The following TEX9 variants were observed in gnomAD, a reference collection of about 807,000 sequenced individuals.
The protein encoded by TEX9 is testis-expressed protein 9.
A neutral mutation model predicts 59.6 loss-of-function variants in TEX9; 74 were observed. That is an observed-to-expected ratio of 1.24 (90% CI 1.03 to 1.51). The LOEUF (loss-of-function observed/expected upper bound fraction) is 1.51, where lower values mean the gene tolerates loss of function less well. Among genes scored for constraint, TEX9 ranks in the 40% most tolerant of loss-of-function variants. The probability of loss-of-function intolerance (pLI) is 0.00; values close to 1 mark genes in which losing one functional copy is unlikely to be tolerated. For synonymous variants in TEX9, 186 were observed against 152.2 expected, an observed-to-expected ratio of 1.22 and a Z score of -1.64; for missense variants, 522 against 447.8, an observed-to-expected ratio of 1.17 and a Z score of -1.49.
intron 1 of TEX9, among the ~76,000 whole-genome samples, chr15:56,314,771 T>A (rs1222087162): frequency 3.2e-4 from 48 of 151,938 alleles, no homozygotes; most frequent in East Asian, 2.1e-3. Context: ...CCCATTATTA[T>A]TGTGTGGGAG....
At chr15:56,394,626 AT>A in intron 8 of TEX9, 34 bp from the exon 9 acceptor site, 6 of 1,412,368 alleles carry the variant, frequency 4.2e-6, no homozygotes, top group Non-Finnish European at 5.8e-6. Context: ...AATCTTACAT[AT>A]TTTTTCACAT....
downstream of TEX9, chr15:56,446,754 T>C: frequency 1.0e-6 from 1 of 962,720 alleles, no homozygotes; most frequent in Non-Finnish European, 1.6e-6. Flanking sequence ...GTAAATTCTT[T>C]ATACAATATG....
upstream of TEX9, among the ~76,000 whole-genome samples, chr15:56,363,333 C>T (rs570391308): frequency 4.1e-4 from 61 of 150,106 alleles, no homozygotes; most frequent in South Asian, 0.012. Context: ...GGTGCTATCT[C>T]GGCTCACTGC....
Position 56,383,946 on chromosome 15 carries a change from T to C in TEX9, c.184-6T>C. ...ATGATATATTACCTATCTTTACTCA[T>C]TTAAGAGAGATCGGCAAGAAGTACG... On this transcript the variant is annotated splice_region_variant and splice_polypyrimidine_tract_variant and intron_variant, in intron 3 of 12. Coordinates refer to ENST00000352903, the Ensembl canonical transcript of TEX9. 3 of 1,608,658 alleles carry C rather than the reference T, an allele frequency of 1.9e-6. No individual in the cohort carries two copies. Among genetic ancestry groups the C allele is most frequent in the Non-Finnish European group, 2.5e-6 (3 of 1,177,146 alleles).
chr15:56,336,108 A>G (rs1287679647), intron 1 of TEX9, among the ~76,000 whole-genome samples: 1 of 152,156 alleles, frequency 6.6e-6, no homozygotes, highest in Non-Finnish European at 1.5e-5. Flanking sequence ...ATTTCTTCTC[A>G]GAGTACTTGT....
chr15:56,337,235 T>C (rs2046274542), intron 1 of TEX9, among the ~76,000 whole-genome samples: 1 of 152,140 alleles, frequency 6.6e-6, no homozygotes, highest in African/African-American at 2.4e-5. Context: ...CCCCTTCACA[T>C]TCAACTTGCA....
chr15:56,419,725 G>C (rs76683196), intron 10 of TEX9, among the ~76,000 whole-genome samples: 1 of 151,556 alleles, frequency 6.6e-6, no homozygotes, highest in Non-Finnish European at 1.5e-5. Flanking sequence ...TTCATCTTTA[G>C]GTTTTTTGGT....
intron 1 of TEX9, among the ~76,000 whole-genome samples, chr15:56,284,251 C>G (rs1365058017): frequency 2.6e-5 from 4 of 152,154 alleles, no homozygotes; most frequent in African/African-American, 9.7e-5. Context: ...CCTGCTTCAG[C>G]CTTCCACAGT....
At chr15:56,338,480 A>G (rs536061721) in intron 1 of TEX9, among the ~76,000 whole-genome samples, 2 of 152,336 alleles carry the variant, frequency 1.3e-5, no homozygotes, top group African/African-American at 4.8e-5. Context: ...TTATTTGTAC[A>G]ACAGCTCACT....
intron 4 of TEX9, among the ~76,000 whole-genome samples, chr15:56,386,954 C>T (rs565706394): frequency 3.3e-5 from 5 of 151,786 alleles, no homozygotes; most frequent in African/African-American, 1.2e-4. Context: ...GATATTCCAC[C>T]TAAATAATTA....
At chr15:56,402,400 A>T (rs901258597) in intron 9 of TEX9, among the ~76,000 whole-genome samples, 2 of 152,230 alleles carry the variant, frequency 1.3e-5, no homozygotes, top group African/African-American at 2.4e-5. Context: ...AAATGGATGA[A>T]TTCCTGGACA....
intron 3 of TEX9, among the ~76,000 whole-genome samples, chr15:56,382,159 G>C (rs1336500331): frequency 6.6e-6 from 1 of 152,154 alleles, no homozygotes; most frequent in Non-Finnish European, 1.5e-5. Flanking sequence ...CCATAGCAGG[G>C]TTCTGCCAGG....
At chr15:56,341,153 G>T (rs1206286363) in intron 1 of TEX9, among the ~76,000 whole-genome samples, 2 of 152,156 alleles carry the variant, frequency 1.3e-5, no homozygotes, top group Admixed American at 6.6e-5. Context: ...CCAATGAAGA[G>T]ATTTAGTTTT....
intron 9 of TEX9, chr15:56,408,515 T>C (rs1456145623): frequency 2.0e-5 from 3 of 152,242 alleles, no homozygotes; most frequent in African/African-American, 7.2e-5. Context: ...TATATATACG[T>C]TGATCATCCT....
rs879277553 is a variant in TEX9, at chr15:56,311,816, A to AT, written c.-106-61619dup. The stretch of plus-strand genomic sequence containing the variant: ...CCTCTCCAGCACCTGTTGTTTCCTG[A>AT]TTTTTTAATGATTGCCATTCTAACT... On this transcript the variant is annotated intron_variant, in intron 1 of 5. Transcript: ENST00000560827. Among the ~76,000 whole-genome samples the AT allele has an allele frequency of 3.2e-3, 484 of 148,960 alleles. 3 individuals carry two copies. The highest frequency in any genetic ancestry group is 0.017 in the South Asian group (77 of 4,594).
intron 1 of TEX9, among the ~76,000 whole-genome samples, chr15:56,255,323 G>A (rs774773572): frequency 2.0e-5 from 3 of 152,080 alleles, no homozygotes; most frequent in Admixed American, 6.6e-5. Context: ...TGGAGAGATA[G>A]GAGGTAAGTT....
chr15:56,432,305 C>T (rs1358161600), intron 12 of TEX9, among the ~76,000 whole-genome samples: 11 of 152,304 alleles, frequency 7.2e-5, no homozygotes, highest in Non-Finnish European at 1.6e-4. Context: ...ACGAAATCAA[C>T]TTATCCATTT....
At position 56,435,434 on chromosome 15, in the gene TEX9, G is replaced by GA. The variant is rs368967008; in HGVS notation, c.*29+6971dup. ...ACAGACCTTTAACAAGGCTGACCTA[G>GA]AAAAAAAAAATGAATGAATAAACAA... On this transcript the variant is annotated intron_variant, in intron 12 of 12. Coordinates refer to ENST00000352903, the Ensembl canonical transcript of TEX9. Among the ~76,000 whole-genome samples, 542 of 146,632 alleles carry GA rather than the reference G, an allele frequency of 3.7e-3. 1 individual carries two copies. Among genetic ancestry groups the GA allele is most frequent in the African/African-American group, 0.013 (503 of 39,990 alleles).
chr15:56,357,646 T>A (rs2046708881), intron 1 of TEX9, among the ~76,000 whole-genome samples: 1 of 152,180 alleles, frequency 6.6e-6, no homozygotes, highest in South Asian at 2.1e-4. Context: ...TTCAGATATG[T>A]TATGGTTTAC....
Sources: allele counts gnomAD v4.1 joint callset (sites outside exome capture counted in the v4.1 genomes callset), GRCh38; gene constraint gnomAD v4.1.1; transcripts MANE v1.5; gene names NCBI Gene and HGNC (gene_info 2026-07-23, HGNC 2026-07-21).